G2E3: variants seen among roughly 807,000 people sequenced by gnomAD.
The protein encoded by G2E3 is G2/M phase-specific E3 ubiquitin-protein ligase.
A neutral mutation model predicts 92.8 loss-of-function variants in G2E3; 35 were observed. The observed-to-expected ratio is 0.38, with a 90% CI of 0.29 to 0.50. The LOEUF (loss-of-function observed/expected upper bound fraction) is 0.50, where lower values mean the gene tolerates loss of function less well. Ranked by LOEUF, G2E3 falls within the 20% of genes least tolerant of loss-of-function variation. The pLI, the probability that G2E3 is intolerant of heterozygous loss-of-function variation, is 0.94. For synonymous variants in G2E3, 242 were observed against 272.4 expected (o/e 0.89, Z 1.10); for missense variants, 554 against 823.8 (o/e 0.67, Z 4.01).
intron 4 of G2E3, chr14:30,590,825 GTC>G: frequency 2.2e-6 from 1 of 445,836 alleles, no homozygotes; most frequent in Non-Finnish European, 4.5e-6. Flanking sequence ...GTAAAAGGTG[GTC>G]TCTAAAGGTC....
intron 10 of G2E3, 27 bp downstream of exon 10, chr14:30,602,158 A>G: frequency 1.3e-6 from 2 of 1,548,412 alleles, no homozygotes; most frequent in Non-Finnish European, 1.8e-6. Context: ...GGAGAAATAC[A>G]TAAAAATCTA....
intron 1 of G2E3, among the ~76,000 whole-genome samples, chr14:30,569,993 A>T (rs774561099): frequency 6.6e-6 from 1 of 152,184 alleles, no homozygotes; most frequent in Non-Finnish European, 1.5e-5. Context: ...GCTACACTGC[A>T]TGTGTGTGAA....
chr14:30,571,239 T>C (rs1019955484), intron 1 of G2E3, among the ~76,000 whole-genome samples: 6 of 151,970 alleles, frequency 3.9e-5, no homozygotes, highest in Non-Finnish European at 7.4e-5. Context: ...ATATTTTCTT[T>C]TGCTTGTTGG....
At chr14:30,592,224 T>C (rs1032287134) in intron 4 of G2E3, 99 bp from the exon 5 acceptor site, 2 of 1,066,450 alleles carry the variant, frequency 1.9e-6, no homozygotes, top group Admixed American at 2.0e-5. Flanking sequence ...GATGAAATAA[T>C]TTTCAGATTC....
In G2E3 at chr14:30,593,569, C is replaced by T. The variant is rs200693428; in HGVS notation, c.458C>T (p.Pro153Leu). Residue 153 changes from proline to leucine, a missense_variant, in exon 6 of 15, where the codon CCT becomes CTT. Physicochemically the swap from Pro to Leu is moderately conservative, Grantham distance 98. Around this residue, in one of 3 missense-constraint regions of G2E3, gnomAD observed 137 missense variants for 201.3 expected, o/e 0.68. Coordinates refer to ENST00000206595, the MANE Select transcript of G2E3 (RefSeq NM_017769.5). Reference protein sequence around the residue: ...PCTICLEFIEPIPSYNILRSP... With the variant: ...PCTICLEFIELIPSYNILRSP... The stretch of plus-strand genomic sequence containing the variant: ...ACCATTTGCTTGGAATTTATTGAGC[C>T]TATTCCAAGTTATAACATATTACGA... 3.1e-6 allele frequency: 5 copies of T among 1,596,106 alleles called. No individual in the cohort carries two copies. In the East Asian group the frequency reaches 1.1e-4, roughly 36 times the overall value.
rs1311644969 is a variant in G2E3, at chr14:30,605,640, A to G, written c.1146A>G (p.Arg382=). Residue 382 remains arginine, a synonymous_variant, in exon 11 of 15, where the codon CGA becomes CGG. Coordinates refer to ENST00000206595, the MANE Select transcript of G2E3 (RefSeq NM_017769.5). ...GTGCCTTAGATGCATTCAGAAATCG[A>G]AACTTTAATCCTTCATATGCAATTG... ...WNSALDAFRN[R]NFNPSYAIEV... is the part of the protein sequence containing the mutation. 6.2e-7 allele frequency: 1 copy of G among 1,608,786 alleles called. No individual in the cohort carries two copies. Among genetic ancestry groups the G allele is most frequent in the Non-Finnish European group, 8.5e-7 (1 of 1,175,716 alleles).
In G2E3 at chr14:30,571,888, C is replaced by A. The variant is rs567890683; in HGVS notation, c.-4-9188C>A. Among the ~76,000 whole-genome samples, 195 of 150,504 alleles carry A rather than the reference C, an allele frequency of 1.3e-3. 2 individuals are homozygous for A. Among genetic ancestry groups the A allele is most frequent in the African/African-American group, 4.4e-3 (182 of 40,944 alleles). ...CTTTTTCTTTTTAAAAATGTTTTTG[C>A]TATTACAAGACTTTTGCATTTTTAT... On this transcript the variant is annotated intron_variant, in intron 1 of 14. Coordinates refer to ENST00000206595, the MANE Select transcript of G2E3 (RefSeq NM_017769.5).
chr14:30,605,694 T>C lies in G2E3; in HGVS notation c.1200T>C (p.Asn400=). 2 of 1,609,190 alleles carry C rather than the reference T, an allele frequency of 1.2e-6. No individual in the cohort carries two copies. Among genetic ancestry groups the C allele is most frequent in the South Asian group, 1.1e-5 (1 of 90,320 alleles). Residue 400 remains asparagine, a synonymous_variant, in exon 11 of 15, where the codon AAT becomes AAC. Transcript: ENST00000206595. ...TAGCATATGTTATTGAAAATGATAA[T>C]TTTGGAAGTGAGCATCCTGGATCAA... ...IEVAYVIEND[N]FGSEHPGSKQ...
At chr14:30,597,386 T>C (rs754923396) in intron 6 of G2E3, 34 bp from the exon 7 acceptor site, 2 of 1,001,306 alleles carry the variant, frequency 2.0e-6, no homozygotes, top group East Asian at 4.8e-5. Flanking sequence ...CAGATTTAAA[T>C]CATTAACAGT....
At chr14:30,599,418 C>G (rs529852708) in intron 8 of G2E3, among the ~76,000 whole-genome samples, 3 of 151,986 alleles carry the variant, frequency 2.0e-5, no homozygotes, top group South Asian at 2.1e-4. Flanking sequence ...TAGTAGAGAT[C>G]GGGTTTCACC....
intron 7 of G2E3, among the ~76,000 whole-genome samples, 169 bp downstream of exon 7, chr14:30,597,695 G>A (rs1430268932): frequency 6.6e-6 from 1 of 152,186 alleles, no homozygotes; most frequent in African/African-American, 2.4e-5. Context: ...TTGGAAAGCA[G>A]GGACTGTGTC....
intron 10 of G2E3, among the ~76,000 whole-genome samples, chr14:30,604,291 A>G (rs998894652): frequency 2.6e-5 from 4 of 152,268 alleles, no homozygotes; most frequent in African/African-American, 4.8e-5. Context: ...GGATCATAAG[A>G]AAAAAGAAAA....
intron 10 of G2E3, among the ~76,000 whole-genome samples, chr14:30,603,690 G>A (rs1032260629): frequency 4.6e-5 from 7 of 152,106 alleles, no homozygotes; most frequent in African/African-American, 1.7e-4. Flanking sequence ...AAAATATTTT[G>A]AGAAAATAGC....
At chr14:30,570,520 T>C (rs1879695923) in intron 1 of G2E3, among the ~76,000 whole-genome samples, 1 of 152,152 alleles carries the variant, frequency 6.6e-6, no homozygotes, top group Non-Finnish European at 1.5e-5. Context: ...CTCTGTTTAT[T>C]TTTCATTTTT....
At chr14:30,572,415 G>A (rs1434502793) in intron 1 of G2E3, among the ~76,000 whole-genome samples, 1 of 152,134 alleles carries the variant, frequency 6.6e-6, no homozygotes, top group Non-Finnish European at 1.5e-5. Context: ...GTTTTGTTAT[G>A]ATTGGATATT....
chr14:30,583,116 G>T (rs1207426559), intron 2 of G2E3, among the ~76,000 whole-genome samples: 1 of 152,178 alleles, frequency 6.6e-6, no homozygotes, highest in Non-Finnish European at 1.5e-5. Context: ...TCTGCGGTAT[G>T]CAATCATTTA....
intron 5 of G2E3, among the ~76,000 whole-genome samples, chr14:30,593,197 T>A (rs1169416323): frequency 6.6e-6 from 1 of 152,162 alleles, no homozygotes; most frequent in African/African-American, 2.4e-5. Context: ...TATACTGTAT[T>A]GCTGACAATA....
intron 8 of G2E3, among the ~76,000 whole-genome samples, chr14:30,601,197 C>T (rs572955918): frequency 6.6e-6 from 1 of 152,304 alleles, no homozygotes; most frequent in African/African-American, 2.4e-5. Context: ...CCCTACACTA[C>T]AGCCCACACT....
intron 14 of G2E3, 124 bp from the exon 15 acceptor site, chr14:30,616,154 C>A: frequency 3.0e-6 from 2 of 669,538 alleles, no homozygotes; most frequent in Non-Finnish European, 2.6e-6. Flanking sequence ...TTGCCCAAAA[C>A]AAATGTGGGA....
Sources: gnomAD v4.1 joint callset for allele counts (sites outside exome capture counted in the v4.1 genomes callset) on GRCh38, gnomAD v4.1.1 for gene constraint, gnomAD v4.1.1 regional missense constraint, MANE v1.5 for transcripts, NCBI Gene and HGNC (gene_info 2026-07-23, HGNC 2026-07-21) for gene names.